EPAS1: variants seen among roughly 807,000 people sequenced by gnomAD.
EPAS1 encodes endothelial PAS domain protein 1.
EPAS1 carries 23 observed loss-of-function variants against 87.9 expected under a neutral mutation model. That is an observed-to-expected ratio of 0.26 (90% confidence interval 0.19 to 0.37). The LOEUF (loss-of-function observed/expected upper bound fraction) is 0.37, where lower values mean the gene tolerates loss of function less well. Ranked by LOEUF, EPAS1 falls within the 10% of genes least tolerant of loss-of-function variation. The pLI is 1.00. For synonymous variants in EPAS1, 508 were observed against 444.3 expected (o/e 1.14, Z -1.80); for missense variants, 1,138 against 1,120.7 (o/e 1.02, Z -0.22).
intron 1 of EPAS1, among the ~76,000 whole-genome samples, chr2:46,334,056 G>C (rs1683740470): frequency 6.6e-6 from 1 of 152,176 alleles, no homozygotes; most frequent in Admixed American, 6.5e-5. Context: ...GCCTGTGGCA[G>C]CCCAGGAATT....
At position 46,361,903 on chromosome 2, in the gene EPAS1, T is replaced by C. The variant is rs116651129; in HGVS notation, c.779+813T>C. Among the ~76,000 whole-genome samples, 1,337 of 152,290 alleles carry C rather than the reference T, an allele frequency of 8.8e-3. 15 individuals carry two copies. The highest frequency in any genetic ancestry group is 0.031 in the African/African-American group (1,271 of 41,570). ...CAGCTCCTAACTCCCCCACCAGCCC[T>C]GCCTCTGGGACTGTGGAGCCTGATG... On this transcript the variant is annotated intron_variant, in intron 6 of 15. Transcript: ENST00000263734.
Position 46,376,697 on chromosome 2 carries a change from A to T in EPAS1, c.1193A>T (p.Glu398Val). 6.2e-7 allele frequency: 1 copy of T among 1,613,578 alleles called. No individual in the cohort carries two copies. The highest frequency in any genetic ancestry group is 8.5e-7 in the Non-Finnish European group (1 of 1,179,994). The change falls in exon 9 of 16, where the codon GAG becomes GTG. Residue 398 changes from glutamate (E) to valine (V), a missense_variant. Coordinates refer to ENST00000263734, the MANE Select transcript of EPAS1 (RefSeq NM_001430.5). ...TTCACCAAGCTAAAGGAGGAGCCCG[A>T]GGAGCTGGCCCAGCTGGCTCCCACC... is the stretch of plus-strand genomic sequence containing the variant. ...FLFTKLKEEPEELAQLAPTPG... is the reference protein window; with the variant it reads ...FLFTKLKEEPVELAQLAPTPG...
At chr2:46,337,104 G>A (rs557252040) in intron 1 of EPAS1, among the ~76,000 whole-genome samples, 1 of 152,218 alleles carries the variant, frequency 6.6e-6, no homozygotes, top group Non-Finnish European at 1.5e-5. Context: ...AGTCATTGAC[G>A]TGGTTTTTAT....
chr2:46,380,570 G>A lies in EPAS1; in HGVS notation c.1898G>A (p.Gly633Asp), dbSNP rs754240655. 2.5e-6 allele frequency: 4 copies of A among 1,614,072 alleles called. No homozygotes were observed. The highest frequency in any genetic ancestry group is 2.2e-5 in the East Asian group (1 of 44,874). The change falls in exon 12 of 16, where the codon GGC (glycine) becomes GAC (aspartate). Residue 633 changes from glycine (G) to aspartate (D), a missense_variant. Coordinates refer to ENST00000263734, the MANE Select transcript of EPAS1 (RefSeq NM_001430.5). The surrounding 1 kb of genome is among the most constrained non-coding windows in gnomAD (Gnocchi z 4.4). ...QASTPLSSMGGRSNTQWPPDP... is the reference protein window; with the variant it reads ...QASTPLSSMGDRSNTQWPPDP... ...AGCACCCCTCTCTCTTCCATGGGGG[G>A]CAGATCCAATACCCAGTGGCCCCCA... is the stretch of plus-strand genomic sequence containing the variant.
Position 46,299,442 on chromosome 2 carries a change from G to A in EPAS1, c.26+1505G>A, listed in dbSNP as rs372033144. ...CCAGGGCCCTCGGAGCAGTCCTGGG[G>A]TTCCATGTCTTTTGAAGGCAGCAGA... On this transcript the variant is annotated intron_variant, in intron 1 of 15. Coordinates refer to ENST00000263734, the MANE Select transcript of EPAS1 (RefSeq NM_001430.5). Among the ~76,000 whole-genome samples the A allele has an allele frequency of 9.7e-4, 148 of 152,318 alleles. 1 individual carries two copies. The highest frequency in any genetic ancestry group is 3.3e-3 in the African/African-American group (137 of 41,572).
At chr2:46,316,855 T>C (rs544052084) in intron 1 of EPAS1, among the ~76,000 whole-genome samples, 1 of 152,376 alleles carries the variant, frequency 6.6e-6, no homozygotes, top group Admixed American at 6.5e-5. Context: ...TCCTTCATAA[T>C]TGGTGTCAAT....
At chr2:46,363,183 T>C (rs1016827442) in intron 6 of EPAS1, among the ~76,000 whole-genome samples, 6 of 152,172 alleles carry the variant, frequency 3.9e-5, no homozygotes, top group African/African-American at 1.4e-4. Flanking sequence ...TGAGATAACA[T>C]GGACAATCCC....
intron 4 of EPAS1, among the ~76,000 whole-genome samples, chr2:46,357,097 C>T (rs1049028581): frequency 2.0e-5 from 3 of 152,214 alleles, no homozygotes; most frequent in Non-Finnish European, 4.4e-5. Flanking sequence ...AAGAGTCAAG[C>T]ATCTCTGCCA....
intron 1 of EPAS1, among the ~76,000 whole-genome samples, chr2:46,313,555 G>A (rs1425924173): frequency 2.0e-5 from 3 of 151,980 alleles, no homozygotes; most frequent in South Asian, 2.1e-4. Flanking sequence ...AGGTTCAAGC[G>A]ATTCTCCCAC....
Position 46,300,961 on chromosome 2 carries a change from T to C in EPAS1, c.26+3024T>C, listed in dbSNP as rs980152773. Among the ~76,000 whole-genome samples the C allele has an allele frequency of 3.3e-5, 5 of 152,234 alleles. No individual in the cohort carries two copies. Among genetic ancestry groups the C allele is most frequent in the African/African-American group, 1.2e-4 (5 of 41,446 alleles). On this transcript the variant is annotated intron_variant, in intron 1 of 15. Transcript: ENST00000263734. This position sits in a 1 kb window ranked among gnomAD's most constrained non-coding sequence, Gnocchi z 4.1. ...GGAAAAAATATTGCTGGACAGTTTCTCTCAATTTAAACATATATTTTAAAT... is the reference window on the plus strand; with the variant it reads ...GGAAAAAATATTGCTGGACAGTTTCCCTCAATTTAAACATATATTTTAAAT...
At chr2:46,299,307 G>A (rs1157081142) in intron 1 of EPAS1, among the ~76,000 whole-genome samples, 1 of 152,184 alleles carries the variant, frequency 6.6e-6, no homozygotes, top group Non-Finnish European at 1.5e-5. Flanking sequence ...CTAGGGGAGG[G>A]GATTGGGCCC....
intron 6 of EPAS1, among the ~76,000 whole-genome samples, chr2:46,365,898 C>T (rs951963070): frequency 6.6e-6 from 1 of 152,134 alleles, no homozygotes; most frequent in Non-Finnish European, 1.5e-5. Flanking sequence ...GGAAAGCAAG[C>T]CGACTTGAAG....
At chr2:46,298,759 C>T (rs558747294) in intron 1 of EPAS1, among the ~76,000 whole-genome samples, 4 of 152,356 alleles carry the variant, frequency 2.6e-5, no homozygotes, top group South Asian at 4.1e-4. Flanking sequence ...TTCTTGCTGC[C>T]CTCTCGCCCT....
At chr2:46,299,886 G>A (rs191674768) in intron 1 of EPAS1, among the ~76,000 whole-genome samples, 145 of 152,340 alleles carry the variant, frequency 9.5e-4, no homozygotes, top group African/African-American at 3.2e-3. Context: ...CCCAATTATT[G>A]GCGAGAGCGG....
intron 1 of EPAS1, among the ~76,000 whole-genome samples, chr2:46,310,188 C>T (rs1396924778): frequency 6.6e-6 from 1 of 150,798 alleles, no homozygotes. Context: ...GACCCTCATC[C>T]CCATGTTCTC....
At chr2:46,320,937 G>A (rs1683444004) in intron 1 of EPAS1, among the ~76,000 whole-genome samples, 1 of 152,162 alleles carries the variant, frequency 6.6e-6, no homozygotes, top group African/African-American at 2.4e-5. Context: ...GCAATTCAAT[G>A]GCATTAAGTA....
intron 6 of EPAS1, among the ~76,000 whole-genome samples, chr2:46,365,677 T>C (rs1171434274): frequency 6.6e-6 from 1 of 152,198 alleles, no homozygotes. Flanking sequence ...CCATGTAGTA[T>C]TTGAGGAAAA....
rs377197070 is a variant in EPAS1 at position 46,382,098 on chromosome 2, C to T, written c.2287+9C>T. On this transcript the variant is annotated intron_variant, in intron 14 of 15. Coordinates refer to ENST00000263734, the MANE Select transcript of EPAS1 (RefSeq NM_001430.5). Reference sequence around the variant, plus strand: ...CGCAAATGTACCCAATGGTGAGCAGCGGCCACAGGCCTGGGCCTCCTGGGG... The same window carrying T: ...CGCAAATGTACCCAATGGTGAGCAGTGGCCACAGGCCTGGGCCTCCTGGGG... 135 of 1,612,016 alleles carry T rather than the reference C, an allele frequency of 8.4e-5. No individual in the cohort carries two copies. Among genetic ancestry groups the T allele is most frequent in the African/African-American group, 2.7e-4 (20 of 74,896 alleles).
At position 46,375,176 on chromosome 2, in the gene EPAS1, C is replaced by T. The variant is rs1463414637; in HGVS notation, c.887-514C>T. Among the ~76,000 whole-genome samples, 2 of 103,970 alleles carry T rather than the reference C, an allele frequency of 1.9e-5. No individual in the cohort carries two copies. The highest frequency in any genetic ancestry group is 6.5e-5 in the African/African-American group (2 of 30,578). 68.2% of individuals were successfully genotyped at this position (103,970 alleles called of 152,430 possible). ...AAGCAGGGTATTGGTGGTGGGTCTG[C>T]TGAAAAAAAAAAACAAAAAAAAACA... On this transcript the variant is annotated intron_variant, in intron 7 of 15. Transcript: ENST00000263734. The surrounding 1 kb of genome is among the most constrained non-coding windows in gnomAD (Gnocchi z 4.1).
Sources: allele counts gnomAD v4.1 joint callset (sites outside exome capture counted in the v4.1 genomes callset), GRCh38; gene constraint gnomAD v4.1.1; non-coding constraint Gnocchi (gnomAD v3.1); transcripts MANE v1.5; gene names NCBI Gene and HGNC (gene_info 2026-07-23, HGNC 2026-07-21).